The following CENPP variants were observed in gnomAD, a reference collection of about 807,000 sequenced individuals.
CENPP encodes the protein centromere protein P.
CENPP carries 24 observed loss-of-function variants against 35.6 expected under a neutral mutation model. The ratio of observed to expected loss-of-function variants is 0.67; its 90% CI spans 0.49 to 0.95. The LOEUF is 0.95. Among genes scored for constraint, CENPP ranks in the 40% least tolerant of loss-of-function variants. The probability of loss-of-function intolerance (pLI) is 0.00; values close to 1 mark genes in which losing one functional copy is unlikely to be tolerated. For synonymous variants in CENPP, 120 were observed against 125.5 expected (o/e 0.96, Z 0.29); for missense variants, 332 against 345.3 (o/e 0.96, Z 0.31).
chr9:92,560,815 C>G (rs1263326817), intron 5 of CENPP, among the ~76,000 whole-genome samples: 1 of 151,474 alleles, frequency 6.6e-6, no homozygotes, highest in Non-Finnish European at 1.5e-5. Context: ...AAACTGCAGT[C>G]TCAAAAGTCG....
At chr9:92,537,647 G>A (rs1031741563) in intron 5 of CENPP, among the ~76,000 whole-genome samples, 4 of 151,922 alleles carry the variant, frequency 2.6e-5, no homozygotes, top group Admixed American at 6.6e-5. Flanking sequence ...GCAACAGAGC[G>A]AGACTACATC....
chr9:92,540,623 T>C (rs1244587731), intron 5 of CENPP, among the ~76,000 whole-genome samples: 2 of 149,222 alleles, frequency 1.3e-5, no homozygotes, highest in South Asian at 2.2e-4. Context: ...ATACAAAAAT[T>C]AGCCGAGCAT....
At chr9:92,608,007 C>T (rs72754493) in intron 5 of CENPP, among the ~76,000 whole-genome samples, 6,031 of 152,308 alleles carry the variant, frequency 0.04, 184 homozygotes, top group South Asian at 0.11. Flanking sequence ...TAGCTTAAGA[C>T]GAGCTTTCCT....
chr9:92,610,227 T>G (rs1851200237), intron 5 of CENPP, among the ~76,000 whole-genome samples: 1 of 152,196 alleles, frequency 6.6e-6, no homozygotes, highest in Non-Finnish European at 1.5e-5. Flanking sequence ...GGCTACTTTT[T>G]GTATTTTTAC....
chr9:92,366,136 C>T (rs563770399), intron 4 of CENPP, among the ~76,000 whole-genome samples: 1 of 143,330 alleles, frequency 7.0e-6, no homozygotes, highest in Admixed American at 7.2e-5. Flanking sequence ...GCCAAGACGG[C>T]GCCACTGCAC....
chr9:92,522,251 T>C (rs1314337450), intron 5 of CENPP, among the ~76,000 whole-genome samples: 1 of 152,002 alleles, frequency 6.6e-6, no homozygotes, highest in Admixed American at 6.6e-5. Context: ...CACACCCGGC[T>C]AATTTTTTGT....
rs201529064 is a variant in CENPP at position 92,344,779 on chromosome 9, C to T, written c.379-920C>T. 1.6e-4 allele frequency among the ~76,000 whole-genome samples: 24 copies of T among 150,912 alleles called. No homozygotes were observed. The East Asian group carries it at 4.7e-3, about 29-fold the overall frequency. ...GGTCAGGATGGTCTCCAACTCCTAA[C>T]CTCAGGTGATTCACCCGCCTCTGCC... On this transcript the variant is annotated intron_variant, in intron 3 of 7. Coordinates refer to ENST00000375587, the MANE Select transcript of CENPP (RefSeq NM_001012267.3).
chr9:92,576,490 A>G (rs1850285007), intron 5 of CENPP, among the ~76,000 whole-genome samples: 1 of 152,184 alleles, frequency 6.6e-6, no homozygotes, highest in Non-Finnish European at 1.5e-5. Flanking sequence ...AGTGGTTAAG[A>G]TGATAAATTT....
At chr9:92,423,395 G>A (rs1039806554) in intron 5 of CENPP, among the ~76,000 whole-genome samples, 1 of 152,050 alleles carries the variant, frequency 6.6e-6, no homozygotes, top group African/African-American at 2.4e-5. Context: ...AATTACTAAT[G>A]AGGTATAATT....
chr9:92,568,371 T>G (rs1850050282), intron 5 of CENPP, among the ~76,000 whole-genome samples: 3 of 152,198 alleles, frequency 2.0e-5, no homozygotes, highest in African/African-American at 7.2e-5. Flanking sequence ...TTACTCAGAA[T>G]GATGGTTTCC....
At position 92,338,382 on chromosome 9, in the gene CENPP, T is replaced by C. The variant is rs138490900; in HGVS notation, c.378+753T>C. 5.0e-3 allele frequency among the ~76,000 whole-genome samples: 755 copies of C among 152,218 alleles called. 14 individuals are homozygous for C. The highest frequency in any genetic ancestry group is 0.017 in the African/African-American group (721 of 41,526). ...GTGAGGGATTGGTTCCAGGACTCCC[T>C]GTAGTACCAAAATCCACGGATGCTC... On this transcript the variant is annotated intron_variant, in intron 3 of 7. Coordinates refer to ENST00000375587, the MANE Select transcript of CENPP (RefSeq NM_001012267.3).
chr9:92,472,025 C>T (rs1350353338), intron 5 of CENPP, among the ~76,000 whole-genome samples: 1 of 152,190 alleles, frequency 6.6e-6, no homozygotes, highest in Non-Finnish European at 1.5e-5. Context: ...TATCAACATT[C>T]TATCCTACAG....
chr9:92,399,994 C>G (rs1225036059), intron 5 of CENPP, among the ~76,000 whole-genome samples: 1 of 151,866 alleles, frequency 6.6e-6, no homozygotes, highest in Non-Finnish European at 1.5e-5. Flanking sequence ...ACATGTTGTT[C>G]CATATGAATT....
At chr9:92,369,814 C>A (rs976937329) in intron 4 of CENPP, among the ~76,000 whole-genome samples, 3 of 152,070 alleles carry the variant, frequency 2.0e-5, no homozygotes, top group African/African-American at 7.2e-5. Context: ...ATTGGGATGC[C>A]TTTTATTTCT....
rs1024660431 is a variant in CENPP at position 92,351,428 on chromosome 9, C to T, written c.467+5641C>T. Among the ~76,000 whole-genome samples the T allele has an allele frequency of 3.3e-5, 5 of 149,850 alleles. No individual in the cohort carries two copies. The South Asian group carries it at 8.6e-4, about 26-fold the overall frequency. On this transcript the variant is annotated intron_variant, in intron 4 of 7. Coordinates refer to ENST00000375587, the MANE Select transcript of CENPP (RefSeq NM_001012267.3). ...CTGGGAGGCGGAGGTTGTGGTGAGC[C>T]GAGAGCACCACTACACTCCAGCCTG...
chr9:92,471,949 C>T (rs1162223162), intron 5 of CENPP, among the ~76,000 whole-genome samples: 1 of 152,192 alleles, frequency 6.6e-6, no homozygotes, highest in Non-Finnish European at 1.5e-5. Flanking sequence ...GAACCGTCCT[C>T]ACTCCTGAAG....
At chr9:92,560,319 C>T in intron 5 of CENPP, among the ~76,000 whole-genome samples, 1 of 152,138 alleles carries the variant, frequency 6.6e-6, no homozygotes, top group East Asian at 1.9e-4. Flanking sequence ...CATATATCAG[C>T]ATTAAAGGAT....
chr9:92,594,747 G>A (rs1441394805), intron 5 of CENPP, among the ~76,000 whole-genome samples: 1 of 152,062 alleles, frequency 6.6e-6, no homozygotes, highest in Non-Finnish European at 1.5e-5. Flanking sequence ...TTGAGGCCAG[G>A]AGTTTGAGAC....
At chr9:92,402,441 G>T (rs889014059) in intron 5 of CENPP, among the ~76,000 whole-genome samples, 1 of 152,112 alleles carries the variant, frequency 6.6e-6, no homozygotes, top group African/African-American at 2.4e-5. Flanking sequence ...TATATATTTG[G>T]CTGAATTTCT....
Sources: allele counts gnomAD v4.1 joint callset (sites outside exome capture counted in the v4.1 genomes callset), GRCh38; gene constraint gnomAD v4.1.1; transcripts MANE v1.5; gene names NCBI Gene and HGNC (gene_info 2026-07-23, HGNC 2026-07-21).